The following IGSF21 variants were observed in gnomAD, a reference collection of about 807,000 sequenced individuals.
IGSF21 encodes immunoglobulin superfamily member 21.
IGSF21 carries 28 observed loss-of-function variants against 46.8 expected under a neutral mutation model. The observed-to-expected ratio is 0.60, with a 90% CI of 0.44 to 0.82. IGSF21 has a LOEUF of 0.82. Ranked by LOEUF, IGSF21 falls within the 40% of genes least tolerant of loss-of-function variation. The probability of loss-of-function intolerance (pLI) is 0.00; values close to 1 mark genes in which losing one functional copy is unlikely to be tolerated. For missense variants in IGSF21, 624 were observed against 665.5 expected (o/e 0.94, Z 0.69); for synonymous variants, 284 against 273.6 (o/e 1.04, Z -0.38).
At chr1:18,242,240 G>A (rs1338374544) in intron 2 of IGSF21, among the ~76,000 whole-genome samples, 1 of 152,188 alleles carries the variant, frequency 6.6e-6, no homozygotes, top group East Asian at 1.9e-4. Flanking sequence ...CAGCACGGCA[G>A]AGCAGACAGG....
intron 2 of IGSF21, among the ~76,000 whole-genome samples, chr1:18,246,188 G>T (rs978861594): frequency 6.6e-6 from 1 of 152,134 alleles, no homozygotes; most frequent in Non-Finnish European, 1.5e-5. Context: ...TGCCATCCCA[G>T]GCCCTCCCTG....
At position 18,108,074 on chromosome 1, in the gene IGSF21, GCCGCCACCGCCTCCACCCCCGCCGCC is replaced by G; in HGVS notation, c.-43_-18del. On this transcript the variant is annotated 5_prime_UTR_variant, in exon 1 of 10. Transcript: ENST00000251296. Reference sequence around the variant, plus strand: ...GTCTGAGCCCATGGCGAGGGGACCCGCCGCCACCGCCTCCACCCCCGCCGCCCCGCCACCGCCGCCAGCTCCCGGGC... The same window carrying G: ...GTCTGAGCCCATGGCGAGGGGACCCGCCGCCACCGCCGCCAGCTCCCGGGC... The G allele has an allele frequency of 3.4e-6, 3 of 871,448 alleles. No individual in the cohort carries two copies. Among genetic ancestry groups the G allele is most frequent in the Admixed American group, 7.0e-5 (2 of 28,764 alleles). 54.0% of individuals were successfully genotyped at this position (871,448 alleles called of 1,614,324 possible).
intron 2 of IGSF21, among the ~76,000 whole-genome samples, chr1:18,277,978 C>G (rs1199378925): frequency 6.6e-6 from 1 of 152,086 alleles, no homozygotes; most frequent in Admixed American, 6.5e-5. Context: ...TCAAAAAGAA[C>G]CCTGAGTGGT....
chr1:18,230,924 C>T (rs1468646252), intron 2 of IGSF21, among the ~76,000 whole-genome samples: 1 of 151,940 alleles, frequency 6.6e-6, no homozygotes, highest in Non-Finnish European at 1.5e-5. Flanking sequence ...CCTCTCCCCG[C>T]AGCCTGCCCC....
chr1:18,215,032 G>T (rs749374388), intron 1 of IGSF21, among the ~76,000 whole-genome samples: 3 of 152,112 alleles, frequency 2.0e-5, no homozygotes, highest in African/African-American at 7.2e-5. Context: ...GAGCCACTGC[G>T]CCTGGCCAGT....
intron 2 of IGSF21, among the ~76,000 whole-genome samples, chr1:18,276,292 G>T (rs1000653653): frequency 2.0e-5 from 3 of 152,128 alleles, no homozygotes; most frequent in African/African-American, 7.2e-5. Context: ...TGGTCTGCAG[G>T]GGTCAAGGCA....
Position 18,242,479 on chromosome 1 carries a change from C to T in IGSF21, c.183+14469C>T, listed in dbSNP as rs1224693715. On this transcript the variant is annotated intron_variant, in intron 2 of 9. Transcript: ENST00000251296. ...GTATTATTATTATTTTATTATTTTG[C>T]AAAGTGGTAGAGTAACTCAAATGAG... Among the ~76,000 whole-genome samples the T allele has an allele frequency of 2.0e-5, 3 of 152,198 alleles. No homozygotes were observed. In the East Asian group the frequency reaches 5.8e-4, roughly 29 times the overall value.
At chr1:18,263,042 G>A (rs1348436576) in intron 2 of IGSF21, among the ~76,000 whole-genome samples, 1 of 152,238 alleles carries the variant, frequency 6.6e-6, no homozygotes, top group African/African-American at 2.4e-5. Context: ...ACATCCGCAG[G>A]ATGGGGCAAT....
At chr1:18,132,661 A>C (rs934396178) in intron 1 of IGSF21, among the ~76,000 whole-genome samples, 1 of 152,084 alleles carries the variant, frequency 6.6e-6, no homozygotes, top group Non-Finnish European at 1.5e-5. Flanking sequence ...TCTCCCTGGC[A>C]AAGACTGAGA....
chr1:18,237,959 C>T (rs892811982), intron 2 of IGSF21, among the ~76,000 whole-genome samples: 1 of 152,082 alleles, frequency 6.6e-6, no homozygotes. Context: ...GCCAGGGATT[C>T]TATGTGGGGG....
rs190888892 is a variant in IGSF21 at position 18,277,553 on chromosome 1, T to A, written c.184-14313T>A. On this transcript the variant is annotated intron_variant, in intron 2 of 9. Transcript: ENST00000251296. Reference sequence around the variant, plus strand: ...AGAGAAATGAAAACGTGACTTTTTTTAAAAAAAAGAAAACTTGTGCAAGAA... The same window carrying A: ...AGAGAAATGAAAACGTGACTTTTTTAAAAAAAAAGAAAACTTGTGCAAGAA... 1.2e-3 allele frequency among the ~76,000 whole-genome samples: 176 copies of A among 152,064 alleles called. No individual in the cohort carries two copies. The South Asian group carries it at 0.014, about 12-fold the overall frequency.
At position 18,322,556 on chromosome 1, in the gene IGSF21, G is replaced by A. The variant is rs1267444230; in HGVS notation, c.306-12336G>A. ...AGTTTGCTCACTGCCCAGCTTCTTT[G>A]GTCTCATTTCCCTTTGGCCAACCAC... On this transcript the variant is annotated intron_variant, in intron 3 of 9. Coordinates refer to ENST00000251296, the MANE Select transcript of IGSF21 (RefSeq NM_032880.5). This position sits in a 1 kb window ranked among gnomAD's most constrained non-coding sequence, Gnocchi z 4.3. Among the ~76,000 whole-genome samples the A allele has an allele frequency of 6.6e-6, 1 of 152,142 alleles. No homozygotes were observed. Among genetic ancestry groups the A allele is most frequent in the African/African-American group, 2.4e-5 (1 of 41,418 alleles).
At chr1:18,204,851 G>T (rs763612846) in intron 1 of IGSF21, among the ~76,000 whole-genome samples, 1 of 152,146 alleles carries the variant, frequency 6.6e-6, no homozygotes, top group Non-Finnish European at 1.5e-5. Context: ...TCTTCCTGTT[G>T]GGCTTGGGAG....
At chr1:18,222,405 T>G (rs1030798028) in intron 1 of IGSF21, among the ~76,000 whole-genome samples, 5 of 152,162 alleles carry the variant, frequency 3.3e-5, no homozygotes, top group Non-Finnish European at 4.4e-5. Context: ...GGAGCTGTCT[T>G]TCCTAGACTG....
intron 4 of IGSF21, among the ~76,000 whole-genome samples, chr1:18,345,792 CA>C (rs1000149887): frequency 6.6e-6 from 1 of 152,166 alleles, no homozygotes; most frequent in African/African-American, 2.4e-5. Flanking sequence ...TTACTTTATC[CA>C]TTTTACAAAT....
At chr1:18,185,951 G>T (rs2086899126) in intron 1 of IGSF21, among the ~76,000 whole-genome samples, 1 of 152,198 alleles carries the variant, frequency 6.6e-6, no homozygotes, top group Non-Finnish European at 1.5e-5. Context: ...TCTCCCAGGA[G>T]CTGGGTGAGA....
intron 1 of IGSF21, among the ~76,000 whole-genome samples, chr1:18,128,414 C>T (rs80201684): frequency 0.018 from 2,794 of 152,158 alleles, 36 homozygotes; most frequent in Middle Eastern, 0.034. Flanking sequence ...CTGGTGTTGG[C>T]GTCTCCTGGC....
intron 1 of IGSF21, among the ~76,000 whole-genome samples, chr1:18,167,267 G>T (rs1311380480): frequency 5.4e-4 from 82 of 152,280 alleles, no homozygotes; most frequent in African/African-American, 1.8e-3. Context: ...TGGTCCAAGG[G>T]CCCATGCTGG....
intron 4 of IGSF21, chr1:18,361,654 G>A (rs912417006): frequency 5.8e-5 from 9 of 155,626 alleles, no homozygotes; most frequent in Middle Eastern, 3.3e-3. Flanking sequence ...GAGAGGCTGG[G>A]AATCTCAGGA....
Sources: gnomAD v4.1 joint callset for allele counts (sites outside exome capture counted in the v4.1 genomes callset) on GRCh38, gnomAD v4.1.1 for gene constraint, Gnocchi (gnomAD v3.1) non-coding constraint, MANE v1.5 for transcripts, NCBI Gene and HGNC (gene_info 2026-07-23, HGNC 2026-07-21) for gene names.